DNAH14: variants seen among roughly 807,000 people sequenced by gnomAD.
DNAH14 encodes the protein axonemal beta dynein heavy chain 14.
Under a neutral mutation model 520.9 loss-of-function variants are expected in DNAH14, and 478 were observed. That is an observed-to-expected ratio of 0.92 (90% CI 0.85 to 0.99). The LOEUF (loss-of-function observed/expected upper bound fraction) is 0.99, where lower values mean the gene tolerates loss of function less well. Among genes scored for constraint, DNAH14 ranks in the 50% least tolerant of loss-of-function variants. The probability of loss-of-function intolerance (pLI) is 0.00; values close to 1 mark genes in which losing one functional copy is unlikely to be tolerated. For missense variants in DNAH14, 4,831 were observed against 5,234.5 expected, an observed-to-expected ratio of 0.92 and a Z score of 2.38; for synonymous variants, 1,581 against 1,757.2, an observed-to-expected ratio of 0.90 and a Z score of 2.51.
At chr1:225,309,281 T>C (rs991378582) in intron 60 of DNAH14, among the ~76,000 whole-genome samples, 8 of 152,192 alleles carry the variant, frequency 5.3e-5, no homozygotes, top group African/African-American at 1.9e-4. Context: ...TTTTGCTTGT[T>C]ATTCACTTGT....
rs1023928788 is a variant in DNAH14, at chr1:225,196,317, A to G, written c.5886+3406A>G. 1.3e-4 allele frequency among the ~76,000 whole-genome samples: 20 copies of G among 152,074 alleles called. 1 individual carries two copies. Among genetic ancestry groups the G allele is most frequent in the Admixed American group, 1.3e-3 (20 of 15,254 alleles). ...ACTTCACTTAGAATAATAGTCTCCA[A>G]TCTCATGCAGAGCTCTGTGAATGCC... On this transcript the variant is annotated intron_variant, in intron 38 of 85. Coordinates refer to ENST00000682510, the MANE Select transcript of DNAH14 (RefSeq NM_001367479.1).
chr1:225,174,070 A>G (rs1168967777), intron 36 of DNAH14, among the ~76,000 whole-genome samples: 2 of 152,042 alleles, frequency 1.3e-5, no homozygotes, highest in Admixed American at 6.6e-5. Context: ...ATGAGAACAC[A>G]TGGACACAGG....
chr1:225,322,903 T>C (rs749377008), intron 62 of DNAH14, 80 bp downstream of exon 62: 175 of 1,331,888 alleles, frequency 1.3e-4, no homozygotes, highest in Non-Finnish European at 1.7e-4. Context: ...TCTAAATTGT[T>C]CTATTCTTAG....
At chr1:225,214,859 C>G (rs2089054181) in intron 41 of DNAH14, among the ~76,000 whole-genome samples, 1 of 152,144 alleles carries the variant, frequency 6.6e-6, no homozygotes, top group African/African-American at 2.4e-5. Flanking sequence ...AAAAAACCAG[C>G]TCCTGGATTC....
At chr1:224,998,164 T>C (rs2063518918) in intron 8 of DNAH14, among the ~76,000 whole-genome samples, 1 of 152,222 alleles carries the variant, frequency 6.6e-6, no homozygotes, top group African/African-American at 2.4e-5. Flanking sequence ...CCTGATACTT[T>C]GTGTCTTTTC....
chr1:225,155,144 A>G (rs151090302), intron 34 of DNAH14, among the ~76,000 whole-genome samples: 16 of 152,312 alleles, frequency 1.1e-4, no homozygotes, highest in Non-Finnish European at 1.9e-4. Context: ...TGGTGAAACT[A>G]TAGGGAAGCA....
rs570767738 is a variant in DNAH14, at chr1:225,144,765, A to T, written c.4740+137A>T. The T allele has an allele frequency of 3.6e-5, 25 of 695,184 alleles. No individual in the cohort carries two copies. In the African/African-American group the frequency reaches 4.1e-4, roughly 11 times the overall value. The allele number at this position is 695,184 out of a possible 1,614,324, so 43.1% of individuals were successfully genotyped here. On this transcript the variant is annotated intron_variant, in intron 29 of 85. Transcript: ENST00000682510. Reference sequence around the variant, plus strand: ...CAAGCACATTCATTAACTCACATATAATTAATTCATCAATGATGTTTTGAA... The same window carrying T: ...CAAGCACATTCATTAACTCACATATTATTAATTCATCAATGATGTTTTGAA...
intron 17 of DNAH14, among the ~76,000 whole-genome samples, chr1:225,071,835 TACTC>T (rs1378075976): frequency 6.6e-6 from 1 of 152,112 alleles, no homozygotes; most frequent in African/African-American, 2.4e-5. Flanking sequence ...CGTGAGAACT[TACTC>T]ACTACCACAA....
In DNAH14 at chr1:225,337,463, T is replaced by C. The variant is rs757109669; in HGVS notation, c.10278T>C (p.Asn3426=). 5 of 1,551,742 alleles carry C rather than the reference T, an allele frequency of 3.2e-6. No individual in the cohort carries two copies. In the South Asian group the frequency reaches 4.8e-5, roughly 15 times the overall value. The change falls in exon 67 of 86, where the codon AAT becomes AAC. Residue 3426 remains asparagine (N), a synonymous_variant. Coordinates refer to ENST00000682510, the MANE Select transcript of DNAH14 (RefSeq NM_001367479.1). ...EDSNYTKKIE[N]AMKTGGSVLL... Reference sequence around the variant, plus strand: ...GCAATTATACCAAAAAAATTGAAAATGCTATGAAGACAGGAGGGAGTGTCC... The same window carrying C: ...GCAATTATACCAAAAAAATTGAAAACGCTATGAAGACAGGAGGGAGTGTCC...
intron 39 of DNAH14, among the ~76,000 whole-genome samples, chr1:225,205,463 T>C (rs1016693736): frequency 2.0e-5 from 3 of 152,214 alleles, no homozygotes; most frequent in Admixed American, 2.0e-4. Flanking sequence ...GTCTATAGTT[T>C]ATAAGCTACC....
intron 11 of DNAH14, among the ~76,000 whole-genome samples, chr1:225,037,099 G>A (rs2067036586): frequency 6.6e-6 from 1 of 152,030 alleles, no homozygotes; most frequent in Non-Finnish European, 1.5e-5. Context: ...TTTATTTTCA[G>A]TCTGTGTTTG....
chr1:225,335,102 TATATATAC>T lies in DNAH14; in HGVS notation c.10080+1607_10080+1614del, dbSNP rs1002885794. On this transcript the variant is annotated intron_variant, in intron 66 of 85. Transcript: ENST00000682510. The stretch of plus-strand genomic sequence containing the variant: ...ACATATGTACATATATACATATATG[TATATATAC>T]ATATATACATGTGTACATATGTGCA... Among the ~76,000 whole-genome samples the T allele has an allele frequency of 9.2e-4, 136 of 148,500 alleles. 2 individuals are homozygous for T. Among genetic ancestry groups the T allele is most frequent in the African/African-American group, 3.0e-3 (123 of 40,464 alleles).
chr1:225,258,882 A>G (rs900944680), intron 45 of DNAH14, among the ~76,000 whole-genome samples: 2 of 152,178 alleles, frequency 1.3e-5, no homozygotes, highest in Non-Finnish European at 2.9e-5. Context: ...GATAAAAATA[A>G]TAGTTAACTC....
chr1:225,383,915 C>G (rs1037125160), intron 81 of DNAH14, among the ~76,000 whole-genome samples: 3 of 152,124 alleles, frequency 2.0e-5, no homozygotes, highest in African/African-American at 7.2e-5. Flanking sequence ...TTAAATTTGT[C>G]CCAGAGATTC....
chr1:225,345,579 T>A (rs2095273336), intron 69 of DNAH14, among the ~76,000 whole-genome samples: 1 of 152,168 alleles, frequency 6.6e-6, no homozygotes. Flanking sequence ...TCAGAATAAA[T>A]CACGTAAAAT....
intron 33 of DNAH14, among the ~76,000 whole-genome samples, chr1:225,153,189 G>C (rs1264517011): frequency 6.6e-6 from 1 of 152,102 alleles, no homozygotes; most frequent in Non-Finnish European, 1.5e-5. Context: ...TTAACATCTA[G>C]AGCGATCATT....
At chr1:225,360,917 G>C (rs2095485418) in intron 75 of DNAH14, 26 bp downstream of exon 75, 1 of 1,542,702 alleles carries the variant, frequency 6.5e-7, no homozygotes, top group South Asian at 1.2e-5. Context: ...TTATCTGTAA[G>C]GGATCAGATT....
At chr1:225,390,108 G>A (rs974245872) in intron 83 of DNAH14, among the ~76,000 whole-genome samples, 8 of 152,026 alleles carry the variant, frequency 5.3e-5, no homozygotes, top group South Asian at 4.2e-4. Flanking sequence ...TTTCACCTGC[G>A]CCTTGGCAGG....
chr1:225,205,540 G>C (rs140499859), intron 39 of DNAH14, among the ~76,000 whole-genome samples: 2 of 152,252 alleles, frequency 1.3e-5, no homozygotes, highest in African/African-American at 4.8e-5. Flanking sequence ...GAGTAAATGG[G>C]TTCCAAATAT....
Sources: gnomAD v4.1 joint callset for allele counts (sites outside exome capture counted in the v4.1 genomes callset) on GRCh38, gnomAD v4.1.1 for gene constraint, MANE v1.5 for transcripts, NCBI Gene and HGNC (gene_info 2026-07-23, HGNC 2026-07-21) for gene names.